The following SORBS2 variants were observed in gnomAD, a reference collection of about 807,000 sequenced individuals.
The protein encoded by SORBS2 is sorbin and SH3 domain-containing protein 2.
SORBS2 carries 46 observed loss-of-function variants against 97.7 expected under a neutral mutation model. The observed-to-expected ratio is 0.47, with a 90% confidence interval of 0.37 to 0.60. The LOEUF is 0.60. Ranked by LOEUF, SORBS2 falls within the 20% of genes least tolerant of loss-of-function variation. The pLI, the probability that SORBS2 is intolerant of heterozygous loss-of-function variation, is 0.00. For synonymous variants in SORBS2, 476 were observed against 473.4 expected (o/e 1.01, Z -0.07); for missense variants, 1,316 against 1,282.3 (o/e 1.03, Z -0.40).
rs200151474 is a variant in SORBS2 at position 185,747,691 on chromosome 4, GC to G, written c.-198+27535del. On this transcript the variant is annotated intron_variant, in intron 2 of 20. Transcript: ENST00000284776. ...CCTCCCCCAGCCTGCACTACTCCGT[GC>G]CTGGAGCTGTGAAAAATTGGCCTTT... Among the ~76,000 whole-genome samples the G allele has an allele frequency of 4.8e-3, 735 of 152,240 alleles. 10 individuals are homozygous for G. The highest frequency in any genetic ancestry group is 0.017 in the African/African-American group (690 of 41,532).
rs1344109012 is a variant in SORBS2, at chr4:185,877,883, A to AAAAAAAAAG, written c.-338+78312_-338+78313insCTTTTTTTT. Among the ~76,000 whole-genome samples the AAAAAAAAAG allele has an allele frequency of 9.6e-4, 140 of 145,226 alleles. 1 individual carries two copies. The highest frequency in any genetic ancestry group is 1.6e-3 in the Admixed American group (24 of 14,780). On this transcript the variant is annotated intron_variant, in intron 1 of 20. Transcript: ENST00000284776. ...AGACTCTGTCAAAAAACAAAAAAAAAAAAGAAAGAAAGAAGAAAGAAAAGA... is the reference window on the plus strand; with the variant it reads ...AGACTCTGTCAAAAAACAAAAAAAAAAAAAAAAAGAAAGAAAGAAAGAAGAAAGAAAAGA...
At chr4:185,810,830 C>G (rs2099178085) in intron 1 of SORBS2, 1 of 152,158 alleles carries the variant, frequency 6.6e-6, no homozygotes, top group Non-Finnish European at 1.5e-5. Flanking sequence ...CAAGTATGAG[C>G]GCAGATTTGG....
intron 1 of SORBS2, among the ~76,000 whole-genome samples, chr4:185,653,178 T>C (rs746134619): frequency 2.2e-4 from 33 of 152,246 alleles, no homozygotes; most frequent in Non-Finnish European, 4.4e-4. Flanking sequence ...TCAAATTGTA[T>C]TCTGATCAGT....
At chr4:185,912,515 G>A (rs1293226863) in intron 1 of SORBS2, among the ~76,000 whole-genome samples, 1 of 148,228 alleles carries the variant, frequency 6.7e-6, no homozygotes, top group Admixed American at 6.9e-5. Flanking sequence ...CACCCAGGAG[G>A]TGGAGGTTGC....
At chr4:185,831,418 C>T (rs1320936127) in intron 1 of SORBS2, among the ~76,000 whole-genome samples, 1 of 152,238 alleles carries the variant, frequency 6.6e-6, no homozygotes, top group Non-Finnish European at 1.5e-5. Context: ...TCAAGTACAT[C>T]ACTCTTGACC....
intron 1 of SORBS2, among the ~76,000 whole-genome samples, chr4:185,795,338 C>T (rs905939833): frequency 6.6e-6 from 1 of 152,170 alleles, no homozygotes; most frequent in South Asian, 2.1e-4. Flanking sequence ...ATTCCTTCCT[C>T]TCTCCTGCCA....
chr4:185,829,858 TA>T (rs1217617799), intron 1 of SORBS2, among the ~76,000 whole-genome samples: 1 of 152,238 alleles, frequency 6.6e-6, no homozygotes. Context: ...CCAACTTCTT[TA>T]GTGCTACCAA....
In SORBS2 at chr4:185,776,996, G is replaced by A. The variant is rs183697707; in HGVS notation, c.-337-1630C>T. Among the ~76,000 whole-genome samples the A allele has an allele frequency of 1.3e-3, 201 of 150,788 alleles. 1 individual carries two copies. The East Asian group carries it at 0.035, about 26-fold the overall frequency. ...CAAATTCAAATTCAATTCTTTCTTTGCCATTAAAGAAAGACACTGAAATAG... is the reference window on the plus strand; with the variant it reads ...CAAATTCAAATTCAATTCTTTCTTTACCATTAAAGAAAGACACTGAAATAG... On this transcript the variant is annotated intron_variant, in intron 1 of 20. Coordinates refer to the SORBS2 transcript ENST00000284776.
intron 1 of SORBS2, among the ~76,000 whole-genome samples, chr4:185,793,320 T>C (rs4862572): frequency 1 from 151,921 of 152,372 alleles, 75,737 homozygotes; most frequent in East Asian, 1. Flanking sequence ...GGGAATAAGG[T>C]CTTTAGAAAA....
chr4:185,712,515 C>T (rs910629715), intron 2 of SORBS2, among the ~76,000 whole-genome samples: 2 of 152,252 alleles, frequency 1.3e-5, no homozygotes, highest in Non-Finnish European at 2.9e-5. Flanking sequence ...GTCACACTGG[C>T]CTTTGCCCTC....
At chr4:185,787,389 C>G (rs143106361) in intron 1 of SORBS2, among the ~76,000 whole-genome samples, 1 of 152,074 alleles carries the variant, frequency 6.6e-6, no homozygotes, top group South Asian at 2.1e-4. Context: ...GTAAAAAGTA[C>G]GTAAAAGACA....
intron 1 of SORBS2, among the ~76,000 whole-genome samples, chr4:185,841,641 G>A (rs1352814863): frequency 6.6e-6 from 1 of 152,170 alleles, no homozygotes; most frequent in Non-Finnish European, 1.5e-5. Flanking sequence ...TGGCAAATGA[G>A]GTTTTGCCAG....
chr4:185,842,085 A>C (rs916562292), intron 1 of SORBS2, among the ~76,000 whole-genome samples: 2 of 152,220 alleles, frequency 1.3e-5, no homozygotes, highest in Non-Finnish European at 2.9e-5. Flanking sequence ...AGGAGAAATA[A>C]GTGATATAAG....
At chr4:185,909,943 C>A (rs1304451185) in intron 1 of SORBS2, among the ~76,000 whole-genome samples, 2 of 148,518 alleles carry the variant, frequency 1.3e-5, no homozygotes, top group African/African-American at 5.0e-5. Flanking sequence ...GAGATCGCTC[C>A]ACTGCACTCC....
chr4:185,624,613 G>T, intron 6 of SORBS2, 119 bp from the exon 19 acceptor site: 1 of 1,118,798 alleles, frequency 8.9e-7, no homozygotes, highest in African/African-American at 1.6e-5. Context: ...AGCAGTTAGT[G>T]TGTTTTAATC....
intron 1 of SORBS2, among the ~76,000 whole-genome samples, chr4:185,869,466 A>G (rs191422223): frequency 2.5e-3 from 379 of 152,336 alleles, no homozygotes; most frequent in Non-Finnish European, 2.8e-3. Flanking sequence ...TACCCTGGGC[A>G]TATGCCCTCA....
At chr4:185,790,073 C>G (rs1171438441) in intron 1 of SORBS2, among the ~76,000 whole-genome samples, 2 of 151,604 alleles carry the variant, frequency 1.3e-5, no homozygotes, top group East Asian at 3.9e-4. Flanking sequence ...TGAAACATGT[C>G]TCTAATTTCA....
chr4:185,933,729 A>C (rs1334214960), intron 1 of SORBS2, among the ~76,000 whole-genome samples: 1 of 152,026 alleles, frequency 6.6e-6, no homozygotes, highest in Non-Finnish European at 1.5e-5. Flanking sequence ...ATCTTACCTA[A>C]TCTGTTAATT....
At chr4:185,649,823 T>C (rs925034943) in intron 2 of SORBS2, among the ~76,000 whole-genome samples, 167 bp from the exon 12 acceptor site, 3 of 152,266 alleles carry the variant, frequency 2.0e-5, no homozygotes, top group Non-Finnish European at 4.4e-5. Flanking sequence ...AATTTATTAA[T>C]ATTAATGTAC....
Sources: gnomAD v4.1 joint callset for allele counts (sites outside exome capture counted in the v4.1 genomes callset) on GRCh38, gnomAD v4.1.1 for gene constraint, MANE v1.5 for transcripts, NCBI Gene and HGNC (gene_info 2026-07-23, HGNC 2026-07-21) for gene names.